The following LAMA3 variants were observed in gnomAD, a reference collection of about 807,000 sequenced individuals.
LAMA3 encodes the protein laminin subunit alpha 3, also known as laminin subunit alpha-3.
Under a neutral mutation model 402.0 loss-of-function variants are expected in LAMA3, and 281 were observed. That is an observed-to-expected ratio of 0.70 (90% confidence interval 0.63 to 0.77). The LOEUF is 0.77. LAMA3 is among the 30% of genes least tolerant of loss of function. The probability of loss-of-function intolerance (pLI) is 0.00; values close to 1 mark genes in which losing one functional copy is unlikely to be tolerated. For missense variants in LAMA3, 3,840 were observed against 4,215.5 expected (o/e 0.91, Z 2.47); for synonymous variants, 1,431 against 1,558.4 (o/e 0.92, Z 1.93).
At chr18:23,706,907 C>T (rs1239120925) in intron 1 of LAMA3, among the ~76,000 whole-genome samples, 23 of 152,022 alleles carry the variant, frequency 1.5e-4, no homozygotes, top group South Asian at 2.1e-4. Flanking sequence ...GGAGAAACCC[C>T]GTCTCTACTA....
intron 4 of LAMA3, 57 bp downstream of exon 4, chr18:23,749,603 C>T: frequency 9.4e-7 from 1 of 1,061,342 alleles, no homozygotes; most frequent in Non-Finnish European, 1.5e-6. Context: ...ATGAGGATAT[C>T]CAATTTTTCA....
intron 62 of LAMA3, among the ~76,000 whole-genome samples, chr18:23,923,013 C>A (rs1488767808): frequency 6.6e-6 from 1 of 152,202 alleles, no homozygotes. Flanking sequence ...CCTAATCCAA[C>A]TGGGGCCATC....
At chr18:23,710,304 A>G in intron 1 of LAMA3, 1 of 489,044 alleles carries the variant, frequency 2.0e-6, no homozygotes, top group Non-Finnish European at 3.7e-6. Context: ...AAAAGACCGC[A>G]AGTTTGATTT....
rs529645332 is a variant in LAMA3 at position 23,714,314 on chromosome 18, G to A, written c.447+242G>A. ...GTGGGTGGATCACTTGAAGTCAGGA[G>A]TTTGAGACCAGCCTGATCAACATGG... is the stretch of plus-strand genomic sequence containing the variant. On this transcript the variant is annotated intron_variant, in intron 2 of 74. Coordinates refer to ENST00000313654, the MANE Select transcript of LAMA3 (RefSeq NM_198129.4). Among the ~76,000 whole-genome samples the A allele has an allele frequency of 6.6e-4, 100 of 152,272 alleles. 4 individuals carry two copies. The South Asian group carries it at 0.019, about 29-fold the overall frequency.
chr18:23,950,246 G>A (rs1486722763), intron 72 of LAMA3, 87 bp downstream of exon 72: 1 of 1,467,472 alleles, frequency 6.8e-7, no homozygotes, highest in Non-Finnish European at 9.5e-7. Flanking sequence ...TTGTAGTAGA[G>A]AATGGGATCC....
intron 1 of LAMA3, among the ~76,000 whole-genome samples, chr18:23,695,438 C>T (rs934111832): frequency 6.6e-6 from 1 of 151,984 alleles, no homozygotes; most frequent in Admixed American, 6.5e-5. Context: ...GTTTGTGAGA[C>T]TTTGCAACCT....
At chr18:23,911,066 C>T (rs1490376797) in intron 55 of LAMA3, among the ~76,000 whole-genome samples, 1 of 136,972 alleles carries the variant, frequency 7.3e-6, no homozygotes, top group Admixed American at 7.6e-5. Context: ...CTTCTCCCTC[C>T]CTTTCCTTAA....
At chr18:23,724,571 G>A (rs915990295) in intron 2 of LAMA3, among the ~76,000 whole-genome samples, 1 of 152,144 alleles carries the variant, frequency 6.6e-6, no homozygotes, top group African/African-American at 2.4e-5. Context: ...AATGCCAACA[G>A]AATCAGAAAA....
chr18:23,933,248 G>T (rs1447567294), intron 66 of LAMA3, among the ~76,000 whole-genome samples: 1 of 152,072 alleles, frequency 6.6e-6, no homozygotes, highest in African/African-American at 2.4e-5. Context: ...AAGAACTATA[G>T]TATCCCGGCC....
chr18:23,910,974 G>A (rs1309198007), intron 55 of LAMA3, among the ~76,000 whole-genome samples: 1 of 152,154 alleles, frequency 6.6e-6, no homozygotes, highest in Non-Finnish European at 1.5e-5. Flanking sequence ...GAGTAGTGGT[G>A]ACCTCTGAGA....
intron 2 of LAMA3, among the ~76,000 whole-genome samples, chr18:23,745,084 G>A (rs1311303173): frequency 1.3e-5 from 2 of 152,222 alleles, no homozygotes; most frequent in South Asian, 4.1e-4. Flanking sequence ...TTATGTAGAA[G>A]AAATATCCAT....
intron 1 of LAMA3, among the ~76,000 whole-genome samples, chr18:23,690,872 ATTATTTATTTATTTATTTATTTAT>A (rs10665618): frequency 0.015 from 2,002 of 136,992 alleles, 43 homozygotes; most frequent in African/African-American, 0.051. Flanking sequence ...AGGCCTGGCA[ATTATTTATTTATTTATTTATTTAT>A]TTATTTATTT....
chr18:23,747,089 A>G (rs997653941), intron 2 of LAMA3, among the ~76,000 whole-genome samples: 13 of 152,096 alleles, frequency 8.5e-5, no homozygotes, highest in Non-Finnish European at 1.8e-4. Flanking sequence ...CCTGGGGGTC[A>G]GGGAGCCTGG....
chr18:23,760,453 G>A (rs2061945545), intron 7 of LAMA3, among the ~76,000 whole-genome samples: 1 of 151,876 alleles, frequency 6.6e-6, no homozygotes, highest in Non-Finnish European at 1.5e-5. Flanking sequence ...CCTTCACATA[G>A]TCACCTGGGA....
intron 1 of LAMA3, among the ~76,000 whole-genome samples, chr18:23,694,962 G>A (rs566889067): frequency 6.6e-6 from 1 of 152,300 alleles, no homozygotes; most frequent in East Asian, 1.9e-4. Flanking sequence ...ATATTCAAAA[G>A]GCAACACCAC....
intron 55 of LAMA3, among the ~76,000 whole-genome samples, chr18:23,909,874 C>T (rs1599068997): frequency 6.6e-6 from 1 of 152,192 alleles, no homozygotes; most frequent in Admixed American, 6.5e-5. Flanking sequence ...GACAGCCCTA[C>T]AGGAGAGTTT....
intron 2 of LAMA3, among the ~76,000 whole-genome samples, chr18:23,722,443 C>T (rs2061231663): frequency 6.6e-6 from 1 of 152,192 alleles, no homozygotes; most frequent in Non-Finnish European, 1.5e-5. Flanking sequence ...ATACTGTGTC[C>T]TCCACTAAGA....
intron 46 of LAMA3, 105 bp downstream of exon 46, chr18:23,899,170 A>G (rs1166202695): frequency 7.9e-7 from 1 of 1,272,130 alleles, no homozygotes; most frequent in Non-Finnish European, 1.1e-6. Context: ...AAAGAATCCC[A>G]TAGTGATACT....
In LAMA3 at chr18:23,861,636, C is replaced by T. The variant is rs1331294504; in HGVS notation, c.4423-10C>T. On this transcript the variant is annotated splice_polypyrimidine_tract_variant and intron_variant, in intron 34 of 74. Coordinates refer to ENST00000313654, the MANE Select transcript of LAMA3 (RefSeq NM_198129.4). Reference sequence around the variant, plus strand: ...ACGTTTCCATCCCTTGCTTCTCTCCCTCTTTCCAGTTTGTGGATATGCTGG... The same window carrying T: ...ACGTTTCCATCCCTTGCTTCTCTCCTTCTTTCCAGTTTGTGGATATGCTGG... 3 of 1,614,064 alleles carry T rather than the reference C, an allele frequency of 1.9e-6. No homozygotes were observed. Among genetic ancestry groups the T allele is most frequent in the East Asian group, 4.5e-5 (2 of 44,886 alleles).
Sources: allele counts gnomAD v4.1 joint callset (sites outside exome capture counted in the v4.1 genomes callset), GRCh38; gene constraint gnomAD v4.1.1; transcripts MANE v1.5; gene names NCBI Gene and HGNC (gene_info 2026-07-23, HGNC 2026-07-21).